The following ARHGEF12 variants were observed in gnomAD, a reference collection of about 807,000 sequenced individuals.
ARHGEF12 encodes the protein KMT2A/ARHGEF12 fusion protein.
In ARHGEF12, 66 loss-of-function variants were observed where a neutral mutation model predicts 211.2. The observed-to-expected ratio is 0.31, with a 90% CI of 0.26 to 0.38. ARHGEF12 has a LOEUF of 0.38. Among genes scored for constraint, ARHGEF12 ranks in the 10% least tolerant of loss-of-function variants. The pLI is 1.00. For missense variants in ARHGEF12, 1,429 were observed against 1,869.5 expected (o/e 0.76, Z 4.34); for synonymous variants, 592 against 638.4 (o/e 0.93, Z 1.09).
intron 1 of ARHGEF12, among the ~76,000 whole-genome samples, chr11:120,355,900 T>A (rs1027619881): frequency 6.6e-6 from 1 of 151,990 alleles, no homozygotes; most frequent in Admixed American, 6.6e-5. Flanking sequence ...TTAATAGGAG[T>A]GTATTTTTTT....
intron 9 of ARHGEF12, 70 bp from the exon 10 acceptor site, chr11:120,429,642 A>G (rs761005361): frequency 1.3e-6 from 2 of 1,565,500 alleles, no homozygotes; most frequent in Non-Finnish European, 1.7e-6. Context: ...ATTATTGATT[A>G]AGAATGGACT....
rs770046238 is a variant in ARHGEF12, at chr11:120,469,293, C to G, written c.2860C>G (p.Pro954Ala). The change falls in exon 30 of 41, where the codon CCA becomes GCA. Residue 954 changes from proline to alanine, a missense_variant. Around this residue, in one of 7 missense-constraint regions of ARHGEF12, gnomAD observed 223 missense variants for 444.6 expected, o/e 0.50. Coordinates refer to ENST00000397843, the MANE Select transcript of ARHGEF12 (RefSeq NM_015313.3). Reference protein sequence around the residue: ...LDNIAKYTEWPTEREKVKKAA... With the variant: ...LDNIAKYTEWATEREKVKKAA... ...GATTTCTTTCCCATATTTAGAATGG[C>G]CAACAGAAAGGGAGAAGGTGAAGAA... The G allele has an allele frequency of 2.0e-5, 32 of 1,610,156 alleles. No individual in the cohort carries two copies. The highest frequency in any genetic ancestry group is 5.1e-5 in the Admixed American group (3 of 59,348).
intron 12 of ARHGEF12, 177 bp from the exon 13 acceptor site, chr11:120,439,952 A>G (rs74542270): frequency 0.016 from 9,265 of 576,192 alleles, 597 homozygotes; most frequent in South Asian, 0.14. Flanking sequence ...CCAGAGTGGT[A>G]CATGGCCTTG....
intron 1 of ARHGEF12, among the ~76,000 whole-genome samples, chr11:120,373,703 A>G (rs1001821018): frequency 6.6e-6 from 1 of 151,756 alleles, no homozygotes; most frequent in Non-Finnish European, 1.5e-5. Flanking sequence ...TCCCCCTTCT[A>G]TGTTTTTTTC....
chr11:120,457,542 A>C (rs546127382), intron 23 of ARHGEF12, 179 bp from the exon 24 acceptor site: 1 of 464,110 alleles, frequency 2.2e-6, no homozygotes, highest in Non-Finnish European at 3.7e-6. Context: ...CAGAACTCAT[A>C]ACTGAAATGT....
chr11:120,465,613 C>T (rs1946681349), intron 28 of ARHGEF12, among the ~76,000 whole-genome samples: 1 of 152,096 alleles, frequency 6.6e-6, no homozygotes, highest in Admixed American at 6.6e-5. Flanking sequence ...ATTACAGGTA[C>T]ATGCTACCAC....
At chr11:120,482,732 G>A (rs1022173530) in intron 39 of ARHGEF12, among the ~76,000 whole-genome samples, 12 of 144,584 alleles carry the variant, frequency 8.3e-5, no homozygotes, top group African/African-American at 2.8e-4. Context: ...GTGACAGAGC[G>A]AGACTCTGTC....
intron 1 of ARHGEF12, chr11:120,366,113 G>A (rs948849405): frequency 5.3e-5 from 8 of 152,264 alleles, no homozygotes; most frequent in African/African-American, 1.9e-4. Flanking sequence ...AAAAATTACT[G>A]GATGTGGTGG....
At chr11:120,353,943 C>T (rs947251097) in intron 1 of ARHGEF12, among the ~76,000 whole-genome samples, 5 of 152,128 alleles carry the variant, frequency 3.3e-5, no homozygotes, top group Non-Finnish European at 5.9e-5. Context: ...GATGCCCAAC[C>T]CTGTGCTGGG....
At chr11:120,390,167 A>G (rs1191092110) in intron 1 of ARHGEF12, among the ~76,000 whole-genome samples, 1 of 152,102 alleles carries the variant, frequency 6.6e-6, no homozygotes, top group Non-Finnish European at 1.5e-5. Context: ...TTGGGTCTGC[A>G]TTTCAGGTCT....
At chr11:120,413,898 C>G (rs1468898427) in intron 4 of ARHGEF12, among the ~76,000 whole-genome samples, 2 of 152,158 alleles carry the variant, frequency 1.3e-5, no homozygotes, top group African/African-American at 4.8e-5. Flanking sequence ...AACAGGTTAT[C>G]TTACATGTTT....
At chr11:120,414,710 G>T (rs979535779) in intron 4 of ARHGEF12, among the ~76,000 whole-genome samples, 1 of 152,184 alleles carries the variant, frequency 6.6e-6, no homozygotes, top group East Asian at 1.9e-4. Context: ...GACGGAAGAA[G>T]TATTACTAGG....
At chr11:120,464,975 C>T (rs556959759) in intron 27 of ARHGEF12, 18 of 354,006 alleles carry the variant, frequency 5.1e-5, no homozygotes, top group Non-Finnish European at 1.0e-5. Context: ...CATTGTACTC[C>T]AGCCTGGGCG....
At chr11:120,478,701 G>A (rs972753070) in intron 37 of ARHGEF12, among the ~76,000 whole-genome samples, 13 of 152,250 alleles carry the variant, frequency 8.5e-5, no homozygotes, top group African/African-American at 2.6e-4. Flanking sequence ...TTAAACCAGC[G>A]TATGACTAAA....
chr11:120,470,905 G>C (rs766267131), intron 30 of ARHGEF12, among the ~76,000 whole-genome samples: 3 of 152,152 alleles, frequency 2.0e-5, no homozygotes, highest in Non-Finnish European at 4.4e-5. Context: ...CAGTGGAGCT[G>C]AACAACTGGG....
intron 1 of ARHGEF12, among the ~76,000 whole-genome samples, chr11:120,340,699 G>A (rs1410403361): frequency 1.3e-5 from 2 of 152,014 alleles, no homozygotes; most frequent in African/African-American, 4.8e-5. Context: ...ACCTTTTCTT[G>A]TAAAGTCAGC....
chr11:120,336,708 GC>G lies in ARHGEF12; in HGVS notation c.-533del, dbSNP rs1169754228. On this transcript the variant is annotated 5_prime_UTR_variant, in exon 1 of 41. Transcript: ENST00000397843. ...GCGGCGAGCACAGAAGGAGCCCCGGGCCCGGGACATGGAATCGCGCGAGCCC... is the reference window on the plus strand; with the variant it reads ...GCGGCGAGCACAGAAGGAGCCCCGGGCCGGGACATGGAATCGCGCGAGCCC... Among the ~76,000 whole-genome samples the G allele has an allele frequency of 6.6e-6, 1 of 152,118 alleles. No individual in the cohort carries two copies. Among genetic ancestry groups the G allele is most frequent in the African/African-American group, 2.4e-5 (1 of 41,430 alleles).
intron 34 of ARHGEF12, 126 bp from the exon 35 acceptor site, chr11:120,477,092 TG>T: frequency 1.5e-6 from 1 of 656,304 alleles, no homozygotes; most frequent in Non-Finnish European, 2.6e-6. Flanking sequence ...TTGTTGTTGT[TG>T]TTGTTGTTGT....
chr11:120,337,126 G>A lies in ARHGEF12; in HGVS notation c.-118G>A, dbSNP rs1240489869. On this transcript the variant is annotated 5_prime_UTR_variant, in exon 1 of 41. Transcript: ENST00000397843. ...TCTAGATGACTGAATGGAGTTTTGA[G>A]TTGGACTTTTGTGTCCCTGACGGAG... The A allele has an allele frequency of 7.9e-7, 1 of 1,265,158 alleles. No individual in the cohort carries two copies. Among genetic ancestry groups the A allele is most frequent in the East Asian group, 2.3e-5 (1 of 43,280 alleles). 78.4% of individuals were successfully genotyped at this position (1,265,158 alleles called of 1,614,324 possible).
Sources: allele counts gnomAD v4.1 joint callset (sites outside exome capture counted in the v4.1 genomes callset), GRCh38; gene constraint gnomAD v4.1.1; regional missense constraint gnomAD v4.1.1; transcripts MANE v1.5; gene names NCBI Gene and HGNC (gene_info 2026-07-23, HGNC 2026-07-21).